TMTC2: variants seen among roughly 807,000 people sequenced by gnomAD.
TMTC2 encodes transmembrane O-mannosyltransferase targeting cadherins 2, also known as protein O-mannosyl-transferase TMTC2.
TMTC2 carries 43 observed loss-of-function variants against 82.4 expected under a neutral mutation model. The ratio of observed to expected loss-of-function variants is 0.52; its 90% CI spans 0.41 to 0.67. The LOEUF (loss-of-function observed/expected upper bound fraction) is 0.67, where lower values mean the gene tolerates loss of function less well. TMTC2 is among the 30% of genes least tolerant of loss of function. The pLI is 0.00. For missense variants in TMTC2, 919 were observed against 1,012.4 expected (o/e 0.91, Z 1.25); for synonymous variants, 408 against 381.9 (o/e 1.07, Z -0.80).
At chr12:82,927,951 A>G (rs1256206171) in intron 3 of TMTC2, among the ~76,000 whole-genome samples, 1 of 152,208 alleles carries the variant, frequency 6.6e-6, no homozygotes, top group East Asian at 1.9e-4. Context: ...AAATTATGTG[A>G]CTGACTTCAT....
At chr12:82,904,137 G>A (rs181676979) in intron 3 of TMTC2, among the ~76,000 whole-genome samples, 1 of 152,140 alleles carries the variant, frequency 6.6e-6, no homozygotes, top group African/African-American at 2.4e-5. Context: ...TCTTCCTTAA[G>A]GCAGATTTTC....
intron 8 of TMTC2, among the ~76,000 whole-genome samples, chr12:83,015,217 C>G (rs970197708): frequency 6.6e-6 from 1 of 152,214 alleles, no homozygotes; most frequent in African/African-American, 2.4e-5. Flanking sequence ...ACACTACATA[C>G]CCCAATGTGT....
chr12:82,696,178 A>C (rs10862496), intron 1 of TMTC2, among the ~76,000 whole-genome samples: 43,167 of 152,098 alleles, frequency 0.28, 6,704 homozygotes, highest in East Asian at 0.49. Context: ...TCAAATGATG[A>C]AGAAGCTTAA....
chr12:82,880,730 A>G (rs1383867600), intron 2 of TMTC2, among the ~76,000 whole-genome samples: 1 of 152,214 alleles, frequency 6.6e-6, no homozygotes, highest in African/African-American at 2.4e-5. Flanking sequence ...GTTAAAGCAG[A>G]CAGAATTCCC....
intron 9 of TMTC2, among the ~76,000 whole-genome samples, chr12:83,045,269 C>T (rs929668142): frequency 2.0e-5 from 3 of 152,130 alleles, no homozygotes; most frequent in Non-Finnish European, 4.4e-5. Context: ...AATAATTTCT[C>T]ATCTCATTTT....
chr12:82,715,215 AGCCAAG>A (rs1439053802), intron 1 of TMTC2, among the ~76,000 whole-genome samples: 1 of 151,624 alleles, frequency 6.6e-6, no homozygotes, highest in Non-Finnish European at 1.5e-5. Flanking sequence ...GGTTGCAGTG[AGCCAAG>A]ACGAGATCAC....
intron 8 of TMTC2, among the ~76,000 whole-genome samples, chr12:83,012,581 G>C (rs533570108): frequency 9.0e-4 from 137 of 152,144 alleles, no homozygotes; most frequent in African/African-American, 3.1e-3. Context: ...TATGAATATA[G>C]AAACAATTAT....
chr12:82,780,909 C>G (rs1046936847), intron 1 of TMTC2, among the ~76,000 whole-genome samples: 3 of 151,202 alleles, frequency 2.0e-5, no homozygotes, highest in Non-Finnish European at 4.4e-5. Context: ...AGGGTTATGT[C>G]TCATGTTTTT....
chr12:82,714,056 G>A (rs1420902969), intron 1 of TMTC2, among the ~76,000 whole-genome samples: 1 of 152,328 alleles, frequency 6.6e-6, no homozygotes, highest in East Asian at 1.9e-4. Context: ...GCACAACAAT[G>A]TTAAGTGATT....
intron 8 of TMTC2, among the ~76,000 whole-genome samples, chr12:83,011,547 C>T (rs1462701425): frequency 6.6e-6 from 1 of 152,106 alleles, no homozygotes; most frequent in Non-Finnish European, 1.5e-5. Flanking sequence ...AATTATTTGA[C>T]CATAACTGTA....
chr12:82,912,743 G>T (rs540044094), intron 3 of TMTC2, among the ~76,000 whole-genome samples: 3 of 151,592 alleles, frequency 2.0e-5, no homozygotes, highest in African/African-American at 7.3e-5. Context: ...TTTGAGACCT[G>T]CCTGGGCAAC....
At chr12:82,754,190 G>T (rs3924491) in intron 1 of TMTC2, among the ~76,000 whole-genome samples, 1 of 152,136 alleles carries the variant, frequency 6.6e-6, no homozygotes, top group African/African-American at 2.4e-5. Flanking sequence ...GTATTTTTTT[G>T]AAGGTACTCC....
chr12:83,099,524 G>A (rs893960178), intron 11 of TMTC2, among the ~76,000 whole-genome samples: 5 of 151,984 alleles, frequency 3.3e-5, no homozygotes, highest in African/African-American at 1.2e-4. Context: ...AATTTTTCCA[G>A]GATTAGGAAG....
intron 8 of TMTC2, among the ~76,000 whole-genome samples, chr12:83,018,035 TTG>T (rs67164668): frequency 1.4e-5 from 2 of 141,832 alleles, no homozygotes; most frequent in African/African-American, 5.1e-5. Context: ...TATATATATA[TTG>T]TGTGTGTGTA....
chr12:83,033,562 C>A (rs1156951788), intron 9 of TMTC2, among the ~76,000 whole-genome samples: 1 of 151,996 alleles, frequency 6.6e-6, no homozygotes, highest in Non-Finnish European at 1.5e-5. Context: ...ACCAGCCTGA[C>A]CAACATGGAG....
chr12:82,751,890 A>C (rs1169317366), intron 1 of TMTC2, among the ~76,000 whole-genome samples: 1 of 152,206 alleles, frequency 6.6e-6, no homozygotes, highest in Non-Finnish European at 1.5e-5. Context: ...TTAAAGGATG[A>C]ACAAAATGCC....
At chr12:82,762,979 C>T (rs918313114) in intron 1 of TMTC2, among the ~76,000 whole-genome samples, 4 of 151,830 alleles carry the variant, frequency 2.6e-5, no homozygotes, top group Admixed American at 6.6e-5. Flanking sequence ...TATGAAGAAA[C>T]ACCCGAGACT....
intron 4 of TMTC2, among the ~76,000 whole-genome samples, chr12:82,944,282 C>T (rs888855210): frequency 2.6e-5 from 4 of 151,620 alleles, no homozygotes; most frequent in East Asian, 1.9e-4. Flanking sequence ...TTAAGGAGAT[C>T]GATAGAAAAA....
At chr12:82,889,685 G>A (rs1394562038) in intron 2 of TMTC2, among the ~76,000 whole-genome samples, 1 of 152,128 alleles carries the variant, frequency 6.6e-6, no homozygotes, top group African/African-American at 2.4e-5. Context: ...TCTGTAGCAT[G>A]CATATTTTGC....
Sources: allele counts gnomAD v4.1 joint callset (sites outside exome capture counted in the v4.1 genomes callset), GRCh38; gene constraint gnomAD v4.1.1; transcripts MANE v1.5; gene names NCBI Gene and HGNC (gene_info 2026-07-23, HGNC 2026-07-21).